The following CNTNAP2 variants were observed in gnomAD, a reference collection of about 807,000 sequenced individuals.
CNTNAP2 encodes the protein contactin associated protein 2, also known as contactin-associated protein-like 2.
In CNTNAP2, 98 loss-of-function variants were observed where a neutral mutation model predicts 155.2. The observed-to-expected ratio is 0.63, with a 90% CI of 0.54 to 0.75. The LOEUF is 0.75. CNTNAP2 is among the 30% of genes least tolerant of loss of function. The pLI, the probability that CNTNAP2 is intolerant of heterozygous loss-of-function variation, is 0.00. For synonymous variants in CNTNAP2, 651 were observed against 631.2 expected (o/e 1.03, Z -0.47); for missense variants, 1,727 against 1,688.1 (o/e 1.02, Z -0.40).
chr7:147,883,193 A>T (rs1161327486), intron 13 of CNTNAP2, among the ~76,000 whole-genome samples: 1 of 152,178 alleles, frequency 6.6e-6, no homozygotes, highest in African/African-American at 2.4e-5. Context: ...AATTAGTTTC[A>T]GCCAGCCTCA....
At chr7:147,205,308 T>G (rs1803001073) in intron 8 of CNTNAP2, among the ~76,000 whole-genome samples, 3 of 152,136 alleles carry the variant, frequency 2.0e-5, no homozygotes, top group African/African-American at 7.2e-5. Flanking sequence ...CCATCAACTT[T>G]GTTCTTTTTG....
chr7:147,820,503 GAA>G (rs570343389), intron 13 of CNTNAP2, among the ~76,000 whole-genome samples: 50 of 152,070 alleles, frequency 3.3e-4, no homozygotes, highest in Admixed American at 2.8e-3. Flanking sequence ...TCAAAGAGGA[GAA>G]GTCTTTAATT....
At chr7:148,404,900 C>T (rs1244817371) in intron 22 of CNTNAP2, among the ~76,000 whole-genome samples, 1 of 152,226 alleles carries the variant, frequency 6.6e-6, no homozygotes, top group Non-Finnish European at 1.5e-5. Context: ...GATGCTGCTT[C>T]TCCTCTTGAT....
At chr7:146,921,328 G>A (rs1796493124) in intron 3 of CNTNAP2, among the ~76,000 whole-genome samples, 2 of 152,168 alleles carry the variant, frequency 1.3e-5, no homozygotes, top group Admixed American at 1.3e-4. Flanking sequence ...CCTGAGAACA[G>A]GATATATGAC....
chr7:146,497,075 T>C (rs1179500430), intron 1 of CNTNAP2, among the ~76,000 whole-genome samples: 2 of 152,166 alleles, frequency 1.3e-5, no homozygotes, highest in African/African-American at 4.8e-5. Context: ...CATTTTACAA[T>C]TGTGAAAACT....
intron 11 of CNTNAP2, among the ~76,000 whole-genome samples, chr7:147,515,863 G>A (rs1799117267): frequency 2.0e-5 from 3 of 152,278 alleles, no homozygotes; most frequent in Admixed American, 1.3e-4. Flanking sequence ...AGAAGGGGCT[G>A]AAATTAGACC....
intron 12 of CNTNAP2, among the ~76,000 whole-genome samples, chr7:147,582,410 C>T (rs1563007712): frequency 6.6e-6 from 1 of 152,118 alleles, no homozygotes; most frequent in African/African-American, 2.4e-5. Context: ...AAACTCTGGG[C>T]ATTTCAAATC....
intron 8 of CNTNAP2, among the ~76,000 whole-genome samples, chr7:147,267,282 TCAAA>T (rs1165017669): frequency 4.6e-5 from 7 of 152,192 alleles, no homozygotes; most frequent in Non-Finnish European, 7.3e-5. Flanking sequence ...TTAAAAAATT[TCAAA>T]CAGAGTAATG....
chr7:147,859,376 C>T (rs1799099516), intron 13 of CNTNAP2, among the ~76,000 whole-genome samples: 1 of 144,134 alleles, frequency 6.9e-6, no homozygotes, highest in African/African-American at 2.6e-5. Flanking sequence ...CTCTGTAAAG[C>T]AGGTAGTTTA....
At chr7:146,348,564 T>C (rs17170050) in intron 1 of CNTNAP2, among the ~76,000 whole-genome samples, 18,279 of 152,142 alleles carry the variant, frequency 0.12, 2,061 homozygotes, top group African/African-American at 0.3. Flanking sequence ...TATTCAGAAG[T>C]TTTACTTGAA....
intron 1 of CNTNAP2, among the ~76,000 whole-genome samples, chr7:146,411,830 A>T (rs1255340438): frequency 5.8e-5 from 7 of 119,998 alleles, no homozygotes; most frequent in African/African-American, 2.8e-4. Flanking sequence ...TTATTTACTT[A>T]TTTATTTATT....
chr7:147,421,599 G>GTGTGTGTGTGTGTGTGTGTGTT (rs1797292052), intron 10 of CNTNAP2, among the ~76,000 whole-genome samples: 1 of 151,434 alleles, frequency 6.6e-6, no homozygotes, highest in African/African-American at 2.4e-5. Context: ...GTGTGTGTGT[G>GTGTGTGTGTGTGTGTGTGTGTT]TGTGTGTGTG....
At chr7:148,020,715 G>C (rs1314809549) in intron 15 of CNTNAP2, among the ~76,000 whole-genome samples, 1 of 152,184 alleles carries the variant, frequency 6.6e-6, no homozygotes, top group Non-Finnish European at 1.5e-5. Context: ...TCTGGCTTAA[G>C]CCAAAGCAAC....
intron 1 of CNTNAP2, among the ~76,000 whole-genome samples, chr7:146,249,732 G>T (rs1052497341): frequency 6.6e-6 from 1 of 151,728 alleles, no homozygotes; most frequent in Non-Finnish European, 1.5e-5. Context: ...TCATTATTAC[G>T]CTGTCATCAC....
intron 1 of CNTNAP2, among the ~76,000 whole-genome samples, chr7:146,384,960 G>C (rs1795439849): frequency 6.6e-6 from 1 of 152,132 alleles, no homozygotes; most frequent in African/African-American, 2.4e-5. Context: ...TCAGTGTTTG[G>C]AGCAAGCCAG....
intron 1 of CNTNAP2, among the ~76,000 whole-genome samples, chr7:146,256,340 T>A (rs780838226): frequency 2.0e-5 from 3 of 152,190 alleles, no homozygotes; most frequent in African/African-American, 4.8e-5. Context: ...GTTAGGAAAT[T>A]TGGACATTTT....
chr7:146,884,218 C>A (rs916340637), intron 3 of CNTNAP2, among the ~76,000 whole-genome samples: 5 of 151,926 alleles, frequency 3.3e-5, no homozygotes, highest in African/African-American at 7.3e-5. Flanking sequence ...GGTTTTGGAT[C>A]CAGAAAATAC....
At chr7:146,299,534 C>T (rs1244175298) in intron 1 of CNTNAP2, among the ~76,000 whole-genome samples, 2 of 152,086 alleles carry the variant, frequency 1.3e-5, no homozygotes, top group African/African-American at 2.4e-5. Flanking sequence ...AGGCATGGGC[C>T]ACCATGCAGC....
At chr7:146,221,031 G>A (rs1380872256) in intron 1 of CNTNAP2, among the ~76,000 whole-genome samples, 1 of 152,186 alleles carries the variant, frequency 6.6e-6, no homozygotes, top group Admixed American at 6.5e-5. Flanking sequence ...AGAGTCCAGA[G>A]TCGTCTTCAC....
Sources: gnomAD v4.1 joint callset for allele counts (sites outside exome capture counted in the v4.1 genomes callset) on GRCh38, gnomAD v4.1.1 for gene constraint, MANE v1.5 for transcripts, NCBI Gene and HGNC (gene_info 2026-07-23, HGNC 2026-07-21) for gene names.